The following GPATCH2L variants were observed in gnomAD, a reference collection of about 807,000 sequenced individuals.
GPATCH2L encodes G-patch domain containing 2 like.
Under a neutral mutation model 57.4 loss-of-function variants are expected in GPATCH2L, and 31 were observed. The ratio of observed to expected loss-of-function variants is 0.54; its 90% CI spans 0.41 to 0.73. The LOEUF is 0.73. Among genes scored for constraint, GPATCH2L ranks in the 30% least tolerant of loss-of-function variants. GPATCH2L has a pLI of 0.00. For missense variants in GPATCH2L, 481 were observed against 599.9 expected (o/e 0.80, Z 2.07); for synonymous variants, 199 against 210.7 (o/e 0.94, Z 0.48).
At chr14:76,178,159 A>C in intron 7 of GPATCH2L, 117 bp downstream of exon 7, 1 of 1,296,978 alleles carries the variant, frequency 7.7e-7, no homozygotes, top group Non-Finnish European at 1.1e-6. Flanking sequence ...AACTGTGATC[A>C]TTAGTTTCTT....
chr14:76,228,076 G>A (rs2040543701), intron 1 of GPATCH2L, among the ~76,000 whole-genome samples: 1 of 152,226 alleles, frequency 6.6e-6, no homozygotes, highest in South Asian at 2.1e-4. Flanking sequence ...CCGGATCTGT[G>A]TGGCTACAGC....
chr14:76,166,754 T>A, intron 3 of GPATCH2L, 27 bp downstream of exon 3: 1 of 1,493,676 alleles, frequency 6.7e-7, no homozygotes, highest in Non-Finnish European at 9.3e-7. Context: ...CTTTGGGACC[T>A]TGGTTCCGTG....
intron 6 of GPATCH2L, among the ~76,000 whole-genome samples, chr14:76,177,702 TTTTTGTTTTTG>T (rs963086455): frequency 2.1e-5 from 3 of 142,736 alleles, no homozygotes; most frequent in Admixed American, 7.1e-5. Context: ...AAGAGGTTTT[TTTTTGTTTTTG>T]TTTTTGCAAA....
At chr14:76,215,046 AAAAC>A (rs1412685417), downstream of GPATCH2L, among the ~76,000 whole-genome samples, 2 of 152,168 alleles carry the variant, frequency 1.3e-5, no homozygotes, top group African/African-American at 4.8e-5. Context: ...CTCCTCTAGA[AAAAC>A]AAACAAAAAA....
Position 76,213,298 on chromosome 14 carries a change from A to G in GPATCH2L, c.*11447A>G, listed in dbSNP as rs778252798. 6.6e-6 allele frequency: 1 copy of G among 152,178 alleles called. No individual in the cohort carries two copies. Among genetic ancestry groups the G allele is most frequent in the Non-Finnish European group, 1.5e-5 (1 of 68,030 alleles). 9.4% of individuals were successfully genotyped at this position (152,178 alleles called of 1,614,324 possible). On this transcript the variant is annotated 3_prime_UTR_variant, in exon 10 of 10. Transcript: ENST00000261530. ...CAAACAATTTAAAAACTTGGATTAA[A>G]TGGATAATTTTCCAGGAAGGTATAG...
chr14:76,231,622 T>TACACACACACACACACACACACACACAC (rs60488808), intron 2 of GPATCH2L, among the ~76,000 whole-genome samples: 1 of 147,366 alleles, frequency 6.8e-6, no homozygotes, highest in African/African-American at 2.5e-5. Flanking sequence ...ACTAAACACA[T>TACACACACACACACACACACACACACAC]ACACACACAC....
chr14:76,191,533 C>T (rs2039962532), intron 8 of GPATCH2L, among the ~76,000 whole-genome samples: 1 of 152,060 alleles, frequency 6.6e-6, no homozygotes, highest in South Asian at 2.1e-4. Flanking sequence ...CTGAATGTGC[C>T]GTGCCACATG....
At chr14:76,175,855 A>G (rs2039300569) in intron 5 of GPATCH2L, 1 of 152,152 alleles carries the variant, frequency 6.6e-6, no homozygotes, top group Non-Finnish European at 1.5e-5. Flanking sequence ...TTCTCTCAAC[A>G]CAACAGTTAC....
At chr14:76,234,227 CCT>C (rs2040587760) in intron 2 of GPATCH2L, among the ~76,000 whole-genome samples, 1 of 152,034 alleles carries the variant, frequency 6.6e-6, no homozygotes, top group East Asian at 1.9e-4. Flanking sequence ...CTATGGATTC[CCT>C]CTCTCTCTGT....
chr14:76,199,889 T>TCA (rs1462497028), intron 9 of GPATCH2L, among the ~76,000 whole-genome samples: 1 of 152,214 alleles, frequency 6.6e-6, no homozygotes, highest in Non-Finnish European at 1.5e-5. Flanking sequence ...GCAGCATTAT[T>TCA]CACAGTCGTC....
chr14:76,221,475 A>G (rs1373706561), intron 1 of GPATCH2L, among the ~76,000 whole-genome samples: 1 of 152,224 alleles, frequency 6.6e-6, no homozygotes, highest in Non-Finnish European at 1.5e-5. Context: ...CTTACCATAC[A>G]ATCTAGCAAT....
At chr14:76,222,071 G>C (rs1402653925) in intron 1 of GPATCH2L, among the ~76,000 whole-genome samples, 1 of 152,062 alleles carries the variant, frequency 6.6e-6, no homozygotes, top group East Asian at 1.9e-4. Flanking sequence ...GGGGGAAGAA[G>C]GTATATGGGA....
intron 2 of GPATCH2L, among the ~76,000 whole-genome samples, chr14:76,160,622 G>A (rs1043693725): frequency 6.6e-6 from 1 of 152,146 alleles, no homozygotes. Flanking sequence ...CTGAGACGGA[G>A]ATTTTAAAAA....
chr14:76,195,780 T>C lies in GPATCH2L; in HGVS notation c.1194-98T>C, dbSNP rs1181545791. ...CAAAAGATGGTGCCCATTTTGTTTATGTCTGTAATAGGTTAAGGATTTAAT... is the reference window on the plus strand; with the variant it reads ...CAAAAGATGGTGCCCATTTTGTTTACGTCTGTAATAGGTTAAGGATTTAAT... On this transcript the variant is annotated intron_variant, in intron 8 of 9. Coordinates refer to ENST00000261530, the MANE Select transcript of GPATCH2L (RefSeq NM_017926.4). 7 of 859,716 alleles carry C rather than the reference T, an allele frequency of 8.1e-6. No homozygotes were observed. The South Asian group carries it at 1.0e-4, about 13-fold the overall frequency. 53.3% of individuals were successfully genotyped at this position (859,716 alleles called of 1,614,324 possible).
At position 76,177,982 on chromosome 14, in the gene GPATCH2L, C is replaced by G. The variant is rs1402258803; in HGVS notation, c.1053-6C>G. 1.9e-6 allele frequency: 3 copies of G among 1,604,836 alleles called. No individual in the cohort carries two copies. The highest frequency in any genetic ancestry group is 2.6e-6 in the Non-Finnish European group (3 of 1,171,904). On this transcript the variant is annotated splice_region_variant and splice_polypyrimidine_tract_variant and intron_variant, in intron 6 of 9. Coordinates refer to ENST00000261530, the MANE Select transcript of GPATCH2L (RefSeq NM_017926.4). ...TTATTTTATCATTTGGTTTCCTTTT[C>G]TTTAGAAAGAATAAAGCGTTGGCTT...
chr14:76,166,850 A>G, intron 3 of GPATCH2L, 123 bp downstream of exon 3: 1 of 725,078 alleles, frequency 1.4e-6, no homozygotes, highest in Admixed American at 2.1e-5. Context: ...ACTTTAAGGC[A>G]TATGAGAGTC....
Position 76,206,370 on chromosome 14 carries a change from A to C in GPATCH2L, c.*4519A>C, listed in dbSNP as rs1257117401. ...AGCAACATCAAAAAGAAGGAAGATG[A>C]GAAGTATTGTTGAAGAGTATGGACC... is the stretch of plus-strand genomic sequence containing the variant. On this transcript the variant is annotated 3_prime_UTR_variant, in exon 10 of 10. Coordinates refer to ENST00000261530, the MANE Select transcript of GPATCH2L (RefSeq NM_017926.4). 6.6e-6 allele frequency: 1 copy of C among 152,246 alleles called. No individual in the cohort carries two copies. Among genetic ancestry groups the C allele is most frequent in the African/African-American group, 2.4e-5 (1 of 41,452 alleles). The allele number at this position is 152,246 out of a possible 1,614,324, so 9.4% of individuals were successfully genotyped here.
chr14:76,228,519 G>A (rs192466532), intron 1 of GPATCH2L, among the ~76,000 whole-genome samples: 3 of 152,284 alleles, frequency 2.0e-5, no homozygotes, highest in Admixed American at 6.5e-5. Context: ...TGAGATTAGC[G>A]TTCTGTGGGT....
intron 8 of GPATCH2L, among the ~76,000 whole-genome samples, chr14:76,185,428 A>G (rs987965791): frequency 6.6e-6 from 1 of 152,234 alleles, no homozygotes; most frequent in Non-Finnish European, 1.5e-5. Context: ...TTGATTGTGA[A>G]GGATAGTTTT....
Sources: allele counts gnomAD v4.1 joint callset (sites outside exome capture counted in the v4.1 genomes callset), GRCh38; gene constraint gnomAD v4.1.1; transcripts MANE v1.5; gene names NCBI Gene and HGNC (gene_info 2026-07-23, HGNC 2026-07-21).